The following GALNTL6 variants were observed in gnomAD, a reference collection of about 807,000 sequenced individuals.
GALNTL6 encodes polypeptide N-acetylgalactosaminyltransferase like 6, also known as polypeptide N-acetylgalactosaminyltransferase-like 6.
A neutral mutation model predicts 73.7 loss-of-function variants in GALNTL6; 46 were observed. The ratio of observed to expected loss-of-function variants is 0.62; its 90% CI spans 0.49 to 0.80. The LOEUF (loss-of-function observed/expected upper bound fraction) is 0.80, where lower values mean the gene tolerates loss of function less well. Among genes scored for constraint, GALNTL6 ranks in the 30% least tolerant of loss-of-function variants. The pLI is 0.00. For synonymous variants in GALNTL6, 259 were observed against 263.7 expected, an observed-to-expected ratio of 0.98 and a Z score of 0.17; for missense variants, 604 against 755.0, an observed-to-expected ratio of 0.80 and a Z score of 2.34.
chr4:172,477,127 G>C (rs1733267202), intron 5 of GALNTL6, among the ~76,000 whole-genome samples: 1 of 151,048 alleles, frequency 6.6e-6, no homozygotes, highest in Non-Finnish European at 1.5e-5. Flanking sequence ...GGGTTTCACT[G>C]TGTTAGCCAG....
At chr4:172,361,510 C>T (rs549985759) in intron 5 of GALNTL6, among the ~76,000 whole-genome samples, 2 of 152,114 alleles carry the variant, frequency 1.3e-5, no homozygotes, top group Admixed American at 6.5e-5. Flanking sequence ...GGGCCTCTTA[C>T]TTTCCAAGGT....
intron 2 of GALNTL6, among the ~76,000 whole-genome samples, chr4:172,061,073 A>G (rs1182739669): frequency 6.6e-6 from 1 of 152,214 alleles, no homozygotes; most frequent in African/African-American, 2.4e-5. Flanking sequence ...AATAACTGGT[A>G]ACAGTGATTA....
At chr4:172,500,643 G>A (rs1190756122) in intron 5 of GALNTL6, among the ~76,000 whole-genome samples, 1 of 150,930 alleles carries the variant, frequency 6.6e-6, no homozygotes, top group Non-Finnish European at 1.5e-5. Context: ...AAAAAATCAA[G>A]CAAATCTACC....
chr4:172,611,256 C>T (rs567885101), intron 5 of GALNTL6, among the ~76,000 whole-genome samples: 6 of 151,978 alleles, frequency 3.9e-5, no homozygotes, highest in South Asian at 2.1e-4. Flanking sequence ...GACTTGATTG[C>T]ATAGGTGCTT....
chr4:172,341,658 G>A (rs1482210880), intron 4 of GALNTL6, among the ~76,000 whole-genome samples: 1 of 151,990 alleles, frequency 6.6e-6, no homozygotes, highest in Non-Finnish European at 1.5e-5. Context: ...ATCTAATGGT[G>A]TGAAAAACAG....
At chr4:172,623,052 A>T (rs1739026708) in intron 5 of GALNTL6, among the ~76,000 whole-genome samples, 1 of 152,168 alleles carries the variant, frequency 6.6e-6, no homozygotes, top group South Asian at 2.1e-4. Flanking sequence ...CTGCAACATA[A>T]TTAAAAAGGA....
intron 2 of GALNTL6, among the ~76,000 whole-genome samples, chr4:172,185,907 A>G (rs553182673): frequency 7.9e-5 from 12 of 152,342 alleles, no homozygotes; most frequent in Middle Eastern, 3.4e-3. Context: ...AACTATGCTA[A>G]TGCAAAATAG....
At chr4:172,072,760 C>T (rs1731581943) in intron 2 of GALNTL6, among the ~76,000 whole-genome samples, 1 of 152,194 alleles carries the variant, frequency 6.6e-6, no homozygotes, top group South Asian at 2.1e-4. Context: ...ATTTCTGTCA[C>T]TAACATCTTA....
chr4:171,945,353 A>G (rs1248050797), intron 2 of GALNTL6, among the ~76,000 whole-genome samples: 1 of 152,056 alleles, frequency 6.6e-6, no homozygotes, highest in African/African-American at 2.4e-5. Flanking sequence ...CCTGTTTAGA[A>G]TTCTTATTTT....
At chr4:172,453,288 G>A (rs1238478647) in intron 5 of GALNTL6, among the ~76,000 whole-genome samples, 2 of 151,882 alleles carry the variant, frequency 1.3e-5, no homozygotes, top group Admixed American at 6.6e-5. Context: ...CCTAATGAAG[G>A]CAAGTTTTTA....
At chr4:172,028,557 T>C (rs1021251794) in intron 2 of GALNTL6, among the ~76,000 whole-genome samples, 3 of 152,046 alleles carry the variant, frequency 2.0e-5, no homozygotes, top group Non-Finnish European at 4.4e-5. Context: ...AAATTATTAC[T>C]CCTGATATGG....
chr4:172,770,094 T>C (rs527316208), intron 5 of GALNTL6, among the ~76,000 whole-genome samples: 1 of 151,958 alleles, frequency 6.6e-6, no homozygotes, highest in South Asian at 2.1e-4. Context: ...TGAAACCCAG[T>C]ATCTACTAAA....
At chr4:173,017,039 G>A (rs374842817) in intron 11 of GALNTL6, among the ~76,000 whole-genome samples, 11 of 152,064 alleles carry the variant, frequency 7.2e-5, no homozygotes, top group African/African-American at 2.7e-4. Context: ...ACTGCTCCTT[G>A]CTGTCACCAT....
intron 2 of GALNTL6, among the ~76,000 whole-genome samples, chr4:171,994,499 G>T (rs1740429610): frequency 6.6e-6 from 1 of 151,988 alleles, no homozygotes; most frequent in African/African-American, 2.4e-5. Context: ...AGGGTATGAT[G>T]GACTTGGGGA....
At chr4:172,607,874 T>C (rs1428164787) in intron 5 of GALNTL6, among the ~76,000 whole-genome samples, 1 of 152,174 alleles carries the variant, frequency 6.6e-6, no homozygotes, top group Admixed American at 6.5e-5. Flanking sequence ...TTCATATGCT[T>C]GTTGGCCACA....
At chr4:172,628,719 T>A (rs17235632) in intron 5 of GALNTL6, among the ~76,000 whole-genome samples, 9 of 151,904 alleles carry the variant, frequency 5.9e-5, no homozygotes, top group Non-Finnish European at 2.9e-5. Flanking sequence ...ATTGATATTG[T>A]TCTTTGTTGC....
intron 3 of GALNTL6, among the ~76,000 whole-genome samples, chr4:172,270,548 C>T (rs1311690192): frequency 1.3e-5 from 2 of 152,132 alleles, no homozygotes; most frequent in Non-Finnish European, 2.9e-5. Context: ...ATGCACACAG[C>T]CCTCATTTAT....
intron 7 of GALNTL6, among the ~76,000 whole-genome samples, chr4:172,817,717 T>C (rs1431320884): frequency 1.3e-5 from 2 of 152,182 alleles, no homozygotes; most frequent in Non-Finnish European, 2.9e-5. Flanking sequence ...TAAGAAATTA[T>C]CTTGTCCAAA....
chr4:172,042,294 A>G (rs539694789), intron 2 of GALNTL6, among the ~76,000 whole-genome samples: 2 of 152,224 alleles, frequency 1.3e-5, no homozygotes, highest in African/African-American at 4.8e-5. Context: ...AATTGTAAGT[A>G]AATAAAATGA....
Sources: gnomAD v4.1 joint callset for allele counts (sites outside exome capture counted in the v4.1 genomes callset) on GRCh38, gnomAD v4.1.1 for gene constraint, MANE v1.5 for transcripts, NCBI Gene and HGNC (gene_info 2026-07-23, HGNC 2026-07-21) for gene names.